RASGRF1: variants seen among roughly 807,000 people sequenced by gnomAD.
RASGRF1 encodes ras-specific guanine nucleotide-releasing factor 1.
RASGRF1 carries 40 observed loss-of-function variants against 138.7 expected under a neutral mutation model. The ratio of observed to expected loss-of-function variants is 0.29; its 90% CI spans 0.22 to 0.38. The LOEUF (loss-of-function observed/expected upper bound fraction) is 0.38. Among genes scored for constraint, RASGRF1 ranks in the 10% least tolerant of loss-of-function variants. The probability of loss-of-function intolerance (pLI) is 1.00; values close to 1 mark genes in which losing one functional copy is unlikely to be tolerated. For synonymous variants in RASGRF1, 614 were observed against 663.2 expected (o/e 0.93, Z 1.14); for missense variants, 1,108 against 1,650.4 (o/e 0.67, Z 5.69).
chr15:79,088,610 C>T (rs1354606895), intron 1 of RASGRF1, among the ~76,000 whole-genome samples: 3 of 152,160 alleles, frequency 2.0e-5, no homozygotes, highest in Non-Finnish European at 4.4e-5. Context: ...CCCAGGAGCT[C>T]AGCTCTGTGA....
At chr15:79,065,982 A>G (rs953951596) in intron 1 of RASGRF1, among the ~76,000 whole-genome samples, 2 of 151,678 alleles carry the variant, frequency 1.3e-5, no homozygotes, top group African/African-American at 2.4e-5. Context: ...TACAGAGTCA[A>G]TGTCTGTCTC....
chr15:79,053,825 G>T (rs903867095), intron 3 of RASGRF1, among the ~76,000 whole-genome samples: 2 of 152,150 alleles, frequency 1.3e-5, no homozygotes, highest in Non-Finnish European at 1.5e-5. Flanking sequence ...CCCAATGGTT[G>T]GTTTAAGCTT....
chr15:79,058,681 G>T (rs115451575), intron 2 of RASGRF1, among the ~76,000 whole-genome samples, 200 bp from the exon 3 acceptor site: 7 of 152,312 alleles, frequency 4.6e-5, no homozygotes, highest in African/African-American at 1.7e-4. Flanking sequence ...GGAGCAAGGC[G>T]GGGCGGTGGG....
In RASGRF1 at chr15:79,073,875, C is replaced by G. The variant is rs914047783; in HGVS notation, c.277-9349G>C. ...TAAGTTCTTGGGCTCCACCCCAGAC[C>G]TCTGTTTTGAAACAAGCCCCCCAGG... On this transcript the variant is annotated intron_variant, in intron 1 of 26. Coordinates refer to ENST00000558480, the MANE Select transcript of RASGRF1 (RefSeq NM_001145648.3). The surrounding 1 kb of genome is among the most constrained non-coding windows in gnomAD (Gnocchi z 4.2). Among the ~76,000 whole-genome samples the G allele has an allele frequency of 6.6e-6, 1 of 152,216 alleles. No individual in the cohort carries two copies. Among genetic ancestry groups the G allele is most frequent in the Non-Finnish European group, 1.5e-5 (1 of 68,030 alleles).
Position 79,090,643 on chromosome 15 carries a change from C to T in RASGRF1, c.-145G>A, listed in dbSNP as rs2058044385. On this transcript the variant is annotated 5_prime_UTR_variant, in exon 1 of 27. Coordinates refer to ENST00000558480, the MANE Select transcript of RASGRF1 (RefSeq NM_001145648.3). ...CCCCTCCCCCCAAATATCTACACTC[C>T]AGGATCTGGCGCCGAGCCGCGGCTT... 6.9e-6 allele frequency: 8 copies of T among 1,152,616 alleles called. No homozygotes were observed. The highest frequency in any genetic ancestry group is 9.7e-6 in the Non-Finnish European group (8 of 825,980). The allele number at this position is 1,152,616 out of a possible 1,614,324, so 71.4% of individuals were successfully genotyped here. A position where few individuals can be genotyped will look rare whatever the true frequency, so the allele number is the denominator to read the frequency against.
intron 23 of RASGRF1, 22 bp from the exon 24 acceptor site, chr15:78,980,721 TACTAACAC>T: frequency 1.3e-6 from 2 of 1,557,384 alleles, no homozygotes; most frequent in African/African-American, 2.7e-5. Flanking sequence ...CAGAAGCATT[TACTAACAC>T]ACAGCACACG....
chr15:78,989,792 T>C (rs566039439), intron 22 of RASGRF1, among the ~76,000 whole-genome samples: 2 of 152,328 alleles, frequency 1.3e-5, no homozygotes, highest in Admixed American at 6.5e-5. Context: ...ATAGGAAGCA[T>C]AGCAAGGTCT....
chr15:79,081,240 G>A (rs970526944), intron 1 of RASGRF1, among the ~76,000 whole-genome samples: 3 of 152,226 alleles, frequency 2.0e-5, no homozygotes, highest in African/African-American at 7.2e-5. Context: ...TGAGCTCTGG[G>A]TGTTATTAAT....
At chr15:79,017,717 C>T (rs1375973996) in intron 12 of RASGRF1, 53 bp downstream of exon 12, 2 of 1,543,068 alleles carry the variant, frequency 1.3e-6, no homozygotes, top group Non-Finnish European at 1.7e-6. Flanking sequence ...AATCCCTGAC[C>T]TGGTTAGGCA....
intron 13 of RASGRF1, among the ~76,000 whole-genome samples, chr15:79,013,474 G>A (rs917539156): frequency 1.1e-4 from 16 of 152,260 alleles, no homozygotes; most frequent in African/African-American, 3.9e-4. Flanking sequence ...GTGGTGGCGA[G>A]TGGAAACAAA....
At chr15:79,018,832 T>C (rs1221795167) in intron 11 of RASGRF1, among the ~76,000 whole-genome samples, 1 of 152,080 alleles carries the variant, frequency 6.6e-6, no homozygotes, top group Non-Finnish European at 1.5e-5. Flanking sequence ...CCCACCTCCC[T>C]GGGCCTAGGA....
At chr15:79,048,626 C>G (rs2057386693) in intron 4 of RASGRF1, among the ~76,000 whole-genome samples, 1 of 152,094 alleles carries the variant, frequency 6.6e-6, no homozygotes, top group African/African-American at 2.4e-5. Flanking sequence ...ACCAGAAATC[C>G]AGATTTTTGT....
intron 1 of RASGRF1, among the ~76,000 whole-genome samples, chr15:79,069,770 G>A (rs1001615981): frequency 6.6e-6 from 1 of 152,178 alleles, no homozygotes; most frequent in Non-Finnish European, 1.5e-5. Flanking sequence ...AGGTGCCTGG[G>A]CTGAAAAGGC....
chr15:79,048,744 G>A (rs142741537), intron 4 of RASGRF1, among the ~76,000 whole-genome samples: 60 of 152,322 alleles, frequency 3.9e-4, no homozygotes, highest in African/African-American at 1.3e-3. Context: ...ACACTGGTAC[G>A]CTGAACTTGG....
intron 5 of RASGRF1, among the ~76,000 whole-genome samples, chr15:79,041,424 T>C (rs2057295857): frequency 6.6e-6 from 1 of 152,176 alleles, no homozygotes; most frequent in Non-Finnish European, 1.5e-5. Context: ...GTGAGAGACC[T>C]AGACACAAAA....
At chr15:78,974,694 T>C (rs1325104517) in intron 24 of RASGRF1, among the ~76,000 whole-genome samples, 1 of 152,236 alleles carries the variant, frequency 6.6e-6, no homozygotes, top group Non-Finnish European at 1.5e-5. Context: ...TTTTGATACT[T>C]GCCATTCTCC....
intron 1 of RASGRF1, among the ~76,000 whole-genome samples, chr15:79,089,386 G>A (rs566386565): frequency 7.2e-5 from 11 of 152,336 alleles, no homozygotes; most frequent in East Asian, 1.9e-4. Context: ...TCACGCCAGA[G>A]GCTCACCCCC....
In RASGRF1 at chr15:79,027,204, G is replaced by A. The variant is rs2057070966; in HGVS notation, c.1381+537C>T. Among the ~76,000 whole-genome samples, 1 of 152,130 alleles carries A rather than the reference G, an allele frequency of 6.6e-6. No individual in the cohort carries two copies. The highest frequency in any genetic ancestry group is 1.5e-5 in the Non-Finnish European group (1 of 68,018). On this transcript the variant is annotated intron_variant, in intron 9 of 26. Coordinates refer to ENST00000558480, the MANE Select transcript of RASGRF1 (RefSeq NM_001145648.3). This position sits in a 1 kb window ranked among gnomAD's most constrained non-coding sequence, Gnocchi z 4.8. ...AGAGCCTTCACCCACCCCTCTCAAC[G>A]GGGCCGTGCCTCTCAAACACTGCTC... is the stretch of plus-strand genomic sequence containing the variant.
At chr15:79,042,665 C>T (rs1346887830) in intron 5 of RASGRF1, among the ~76,000 whole-genome samples, 2 of 152,210 alleles carry the variant, frequency 1.3e-5, no homozygotes, top group Non-Finnish European at 2.9e-5. Context: ...TCCCAGCCTG[C>T]CCCCACTCTC....
Sources: gnomAD v4.1 joint callset for allele counts (sites outside exome capture counted in the v4.1 genomes callset) on GRCh38, gnomAD v4.1.1 for gene constraint, Gnocchi (gnomAD v3.1) non-coding constraint, MANE v1.5 for transcripts, NCBI Gene and HGNC (gene_info 2026-07-23, HGNC 2026-07-21) for gene names.